Variants in CDK12 observed in about 807,000 individuals in gnomAD.
The protein encoded by CDK12 is cyclin-dependent kinase 12.
In CDK12, 17 loss-of-function variants were observed where a neutral mutation model predicts 133.8. The ratio of observed to expected loss-of-function variants is 0.13; its 90% CI spans 0.09 to 0.19. The LOEUF (loss-of-function observed/expected upper bound fraction) is 0.19, where lower values mean the gene tolerates loss of function less well. Among genes scored for constraint, CDK12 ranks in the 10% least tolerant of loss-of-function variants. CDK12 has a pLI of 1.00. For synonymous variants in CDK12, 694 were observed against 683.6 expected (o/e 1.02, Z -0.24); for missense variants, 1,508 against 1,818.7 (o/e 0.83, Z 3.11).
chr17:39,536,152 T>C (rs907404428), downstream of CDK12, among the ~76,000 whole-genome samples: 4 of 152,172 alleles, frequency 2.6e-5, no homozygotes, highest in African/African-American at 9.7e-5. Flanking sequence ...TACTCCTTAC[T>C]GTACGCAACT....
intron 1 of CDK12, among the ~76,000 whole-genome samples, chr17:39,465,052 C>G (rs1044017616): frequency 9.9e-5 from 15 of 151,700 alleles, no homozygotes; most frequent in Non-Finnish European, 1.8e-4. Context: ...TTGAGACCAG[C>G]GTGGCCAATG....
chr17:39,490,161 G>A (rs1381020435), intron 2 of CDK12, among the ~76,000 whole-genome samples: 30 of 151,634 alleles, frequency 2.0e-4, no homozygotes, highest in Admixed American at 1.9e-3. Context: ...GAGACCAGGA[G>A]TTCAAGACCA....
intron 3 of CDK12, among the ~76,000 whole-genome samples, chr17:39,492,051 T>A (rs2051658274): frequency 6.7e-6 from 1 of 148,240 alleles, no homozygotes. Context: ...GTTAGTGAAA[T>A]CATCATAAAA....
At chr17:39,468,588 G>A (rs1235555700) in intron 1 of CDK12, among the ~76,000 whole-genome samples, 4 of 151,696 alleles carry the variant, frequency 2.6e-5, no homozygotes, top group Non-Finnish European at 5.9e-5. Context: ...CGGTTCTCCT[G>A]CTTCAGCCTC....
At position 39,471,640 on chromosome 17, in the gene CDK12, C is replaced by G. The variant is rs1411231290; in HGVS notation, c.1808C>G (p.Pro603Arg). Residue 603 changes from proline (P) to arginine (R), a missense_variant, in exon 2 of 14, where the codon CCC (proline) becomes CGC (arginine). Physicochemically the swap from Pro to Arg is moderately radical, Grantham distance 103. Coordinates refer to ENST00000447079, the MANE Select transcript of CDK12 (RefSeq NM_016507.4). Reference protein sequence around the residue: ...SAVSSQANSQPPVQVSVKTQV... With the variant: ...SAVSSQANSQRPVQVSVKTQV... The stretch of plus-strand genomic sequence containing the variant: ...GTGTCCTCTCAGGCAAATTCTCAGC[C>G]CCCTGTACAGGTTTCTGTGAAGACT... 1 of 1,614,134 alleles carries G rather than the reference C, an allele frequency of 6.2e-7. No individual in the cohort carries two copies. The highest frequency in any genetic ancestry group is 1.1e-5 in the South Asian group (1 of 91,076).
chr17:39,555,454 G>C (rs1240694545), intron 2 of CDK12, among the ~76,000 whole-genome samples: 1 of 151,758 alleles, frequency 6.6e-6, no homozygotes, highest in Non-Finnish European at 1.5e-5. Flanking sequence ...GCTTTGGTTA[G>C]AAAAAGGACA....
downstream of CDK12, among the ~76,000 whole-genome samples, chr17:39,537,091 T>C (rs1446698883): frequency 1.3e-5 from 2 of 152,158 alleles, no homozygotes; most frequent in Non-Finnish European, 1.5e-5. Context: ...GTCCACCATA[T>C]AGCAGTCAGA....
chr17:39,516,170 A>G (rs1360604946), intron 9 of CDK12, among the ~76,000 whole-genome samples: 2 of 152,186 alleles, frequency 1.3e-5, no homozygotes, highest in Non-Finnish European at 2.9e-5. Flanking sequence ...ATTCAGAGAT[A>G]AAAAATAGGT....
rs2054896976 is a variant in CDK12 at position 39,532,121 on chromosome 17, TC to T, written c.*806del. ...CTCTCTTTCTCTCTCTCTCTCTCTC[TC>T]TCTCTCTCTCTCTCTCTCTCTGTCT... On this transcript the variant is annotated 3_prime_UTR_variant, in exon 14 of 14. Transcript: ENST00000447079. 3.2e-5 allele frequency: 7 copies of T among 216,814 alleles called. No homozygotes were observed. The highest frequency in any genetic ancestry group is 1.6e-4 in the African/African-American group (7 of 43,988). 13.4% of individuals were successfully genotyped at this position (216,814 alleles called of 1,614,324 possible). A position where few individuals can be genotyped will look rare whatever the true frequency, so the allele number is the denominator to read the frequency against.
chr17:39,485,408 C>CTTT (rs35318849), intron 2 of CDK12, among the ~76,000 whole-genome samples: 66 of 69,852 alleles, frequency 9.4e-4, no homozygotes, highest in African/African-American at 3.2e-3. Flanking sequence ...CATCCCCCCC[C>CTTT]TTTTTTTTTT....
intron 6 of CDK12, among the ~76,000 whole-genome samples, chr17:39,505,523 CAAAAAAAAAA>C (rs369918356): frequency 3.1e-5 from 3 of 97,744 alleles, no homozygotes; most frequent in African/African-American, 1.3e-4. Flanking sequence ...GACTCCGTCT[CAAAAAAAAAA>C]AAAAAAAAAA....
chr17:39,510,025 C>T (rs574694161), intron 7 of CDK12, among the ~76,000 whole-genome samples: 1 of 151,714 alleles, frequency 6.6e-6, no homozygotes, highest in East Asian at 1.9e-4. Context: ...TAGTCTTGAA[C>T]TCCTGGGCTC....
intron 3 of CDK12, among the ~76,000 whole-genome samples, chr17:39,562,902 CTTTTT>C (rs59852699): frequency 6.5e-5 from 6 of 92,382 alleles, no homozygotes; most frequent in Non-Finnish European, 1.3e-4. Context: ...TTTTTCTTTT[CTTTTT>C]TTTTTTTTTT....
At chr17:39,506,497 C>T (rs1285509544) in intron 6 of CDK12, among the ~76,000 whole-genome samples, 14 of 151,884 alleles carry the variant, frequency 9.2e-5, no homozygotes, top group African/African-American at 3.1e-4. Flanking sequence ...ATTACAGACG[C>T]GAGCCACCAC....
upstream of CDK12, among the ~76,000 whole-genome samples, chr17:39,544,678 G>A (rs538244970): frequency 8.8e-5 from 13 of 148,422 alleles, no homozygotes; most frequent in Non-Finnish European, 1.6e-4. Flanking sequence ...TGCCCAGGCC[G>A]GAGTGCAGTG....
chr17:39,469,825 C>CG (rs1250076079), intron 1 of CDK12, among the ~76,000 whole-genome samples: 2 of 151,530 alleles, frequency 1.3e-5, no homozygotes, highest in African/African-American at 4.9e-5. Context: ...TTAGTAGAGA[C>CG]GGGGTTTCTC....
rs2054995194 is a variant in CDK12, at chr17:39,533,676, G to A, written c.*2360G>A. 4.3e-6 allele frequency: 1 copy of A among 232,736 alleles called. No individual in the cohort carries two copies. Among genetic ancestry groups the A allele is most frequent in the East Asian group, 6.0e-5 (1 of 16,656 alleles). 14.4% of individuals were successfully genotyped at this position (232,736 alleles called of 1,614,324 possible). ...TTCCCTCATCCCTACTAGGGAAGGG[G>A]GTGAGTGTATGTGTGAGTGTATGTG... On this transcript the variant is annotated 3_prime_UTR_variant, in exon 14 of 14. Transcript: ENST00000447079.
At chr17:39,516,259 T>C (rs1219178939) in intron 9 of CDK12, among the ~76,000 whole-genome samples, 3 of 152,074 alleles carry the variant, frequency 2.0e-5, no homozygotes, top group Non-Finnish European at 4.4e-5. Flanking sequence ...TAATAGAAAA[T>C]ATGGGGAAAG....
At chr17:39,476,708 TGC>T (rs2050217339) in intron 2 of CDK12, among the ~76,000 whole-genome samples, 1 of 135,338 alleles carries the variant, frequency 7.4e-6, no homozygotes, top group Non-Finnish European at 1.6e-5. Context: ...CCACCATGCC[TGC>T]CTTTTTTTTT....
Sources: allele counts gnomAD v4.1 joint callset (sites outside exome capture counted in the v4.1 genomes callset), GRCh38; gene constraint gnomAD v4.1.1; transcripts MANE v1.5; gene names NCBI Gene and HGNC (gene_info 2026-07-23, HGNC 2026-07-21).